Variants in NSD2 observed in about 807,000 individuals in gnomAD.
NSD2 encodes the protein nuclear receptor binding SET domain protein 2.
In NSD2, 12 loss-of-function variants were observed where a neutral mutation model predicts 139.0. The observed-to-expected ratio is 0.09, with a 90% confidence interval of 0.06 to 0.14. NSD2 has a LOEUF of 0.14. Ranked by LOEUF, NSD2 falls within the 10% of genes least tolerant of loss-of-function variation. The pLI is 1.00. For synonymous variants in NSD2, 669 were observed against 648.7 expected (o/e 1.03, Z -0.48); for missense variants, 1,155 against 1,745.0 (o/e 0.66, Z 6.02).
chr4:1,940,859 G>C, intron 9 of NSD2: 1 of 1,057,562 alleles, frequency 9.5e-7, no homozygotes, highest in Non-Finnish European at 1.1e-6. Flanking sequence ...AGGCAACCTG[G>C]GCGGGGCTCA....
At chr4:1,875,274 T>C (rs1254253343) in intron 1 of NSD2, among the ~76,000 whole-genome samples, 1 of 150,198 alleles carries the variant, frequency 6.7e-6, no homozygotes, top group Non-Finnish European at 1.5e-5. Context: ...GCAGTATAGC[T>C]TTTTACTTTT....
intron 1 of NSD2, among the ~76,000 whole-genome samples, chr4:1,885,099 A>C (rs922643247): frequency 1.3e-4 from 19 of 151,676 alleles, no homozygotes; most frequent in Admixed American, 2.6e-4. Flanking sequence ...GACAAGAGCA[A>C]AACTCTGTTT....
chr4:1,877,687 TC>T (rs985206957), intron 1 of NSD2, among the ~76,000 whole-genome samples: 1 of 152,162 alleles, frequency 6.6e-6, no homozygotes, highest in Non-Finnish European at 1.5e-5. Flanking sequence ...CTCATTCTGT[TC>T]CAGCCACACG....
chr4:1,901,294 A>T, intron 2 of NSD2, 43 bp downstream of exon 2: 1 of 1,509,796 alleles, frequency 6.6e-7, no homozygotes, highest in South Asian at 1.3e-5. Flanking sequence ...GACCTTGAGC[A>T]GTGAGCATGG....
intron 1 of NSD2, among the ~76,000 whole-genome samples, chr4:1,874,600 G>A (rs1714114635): frequency 6.6e-6 from 1 of 152,130 alleles, no homozygotes; most frequent in African/African-American, 2.4e-5. Context: ...GTAAGTAATG[G>A]AGCATCTGGG....
At position 1,976,019 on chromosome 4, in the gene NSD2, C is replaced by T. The variant is rs1450533427; in HGVS notation, c.3622-456C>T. Among the ~76,000 whole-genome samples the T allele has an allele frequency of 1.3e-5, 2 of 152,182 alleles. No individual in the cohort carries two copies. Among genetic ancestry groups the T allele is most frequent in the Non-Finnish European group, 2.9e-5 (2 of 68,040 alleles). Reference sequence around the variant, plus strand: ...AAGCCTGGCGGTGGCACCAGCTCGGCCCTGAGCCGGTGTCTGTCCTCAGCC... The same window carrying T: ...AAGCCTGGCGGTGGCACCAGCTCGGTCCTGAGCCGGTGTCTGTCCTCAGCC... On this transcript the variant is annotated intron_variant, in intron 20 of 21. Transcript: ENST00000508803. This position sits in a 1 kb window ranked among gnomAD's most constrained non-coding sequence, Gnocchi z 5.3.
chr4:1,884,136 C>T (rs1245730641), intron 1 of NSD2, among the ~76,000 whole-genome samples: 2 of 152,108 alleles, frequency 1.3e-5, no homozygotes, highest in African/African-American at 2.4e-5. Flanking sequence ...TGCTCTGTCA[C>T]CCAGGCTGGA....
intron 3 of NSD2, among the ~76,000 whole-genome samples, chr4:1,911,298 A>T (rs1355411487): frequency 6.6e-6 from 1 of 152,174 alleles, no homozygotes; most frequent in African/African-American, 2.4e-5. Context: ...GAAATTGCAT[A>T]GGAAGAGGGC....
At position 1,939,676 on chromosome 4, in the gene NSD2, A is replaced by C. The variant is rs755333913; in HGVS notation, c.1779A>C (p.Ala593=). 1 of 1,614,144 alleles carries C rather than the reference A, an allele frequency of 6.2e-7. No homozygotes were observed. Reference sequence around the variant, plus strand: ...CAGCAACGAAAAATCTGTCTGATGCATGTAAACCACTGAAGAAGCGAAATC... The same window carrying C: ...CAGCAACGAAAAATCTGTCTGATGCCTGTAAACCACTGAAGAAGCGAAATC... ...SQAATKNLSD[A]CKPLKKRNRA... The change falls in exon 9 of 22, where the codon GCA becomes GCC. Residue 593 remains alanine (A), a synonymous_variant. Coordinates refer to ENST00000508803, the MANE Select transcript of NSD2 (RefSeq NM_001042424.3).
chr4:1,933,434 G>A (rs1373385970), intron 6 of NSD2, among the ~76,000 whole-genome samples: 1 of 152,114 alleles, frequency 6.6e-6, no homozygotes, highest in Non-Finnish European at 1.5e-5. Flanking sequence ...TCGCCCAGGC[G>A]GCTGGAGTGC....
chr4:1,876,518 C>A (rs930533495), intron 1 of NSD2, among the ~76,000 whole-genome samples: 1 of 151,938 alleles, frequency 6.6e-6, no homozygotes, highest in African/African-American at 2.4e-5. Flanking sequence ...TAGGGAGACC[C>A]CATCTCTACA....
At position 1,955,567 on chromosome 4, in the gene NSD2, C is replaced by G. The variant is rs1452596275; in HGVS notation, c.2519-126C>G. 7.7e-7 allele frequency: 1 copy of G among 1,292,286 alleles called. No homozygotes were observed. Among genetic ancestry groups the G allele is most frequent in the African/African-American group, 1.5e-5 (1 of 67,072 alleles). 80.1% of individuals were successfully genotyped at this position (1,292,286 alleles called of 1,614,324 possible). A position where few individuals can be genotyped will look rare whatever the true frequency, so the allele number is the denominator to read the frequency against. On this transcript the variant is annotated intron_variant, in intron 13 of 21. Coordinates refer to ENST00000508803, the MANE Select transcript of NSD2 (RefSeq NM_001042424.3). This position sits in a 1 kb window ranked among gnomAD's most constrained non-coding sequence, Gnocchi z 4.7. ...TGACATTTGCTCTCGTGCTGATGTACAGATCGCTGTTTTAAAACTGATGTT... is the reference window on the plus strand; with the variant it reads ...TGACATTTGCTCTCGTGCTGATGTAGAGATCGCTGTTTTAAAACTGATGTT...
chr4:1,875,299 T>G (rs1208709068), intron 1 of NSD2, among the ~76,000 whole-genome samples: 14 of 146,120 alleles, frequency 9.6e-5, no homozygotes, highest in South Asian at 4.2e-4. Context: ...TTTTTTTTTT[T>G]GGGACAGGGT....
At chr4:1,946,330 C>T in intron 9 of NSD2, 3 of 651,578 alleles carry the variant, frequency 4.6e-6, no homozygotes, top group Non-Finnish European at 5.8e-6. Flanking sequence ...GTAAGTGGCA[C>T]AATCTCGGCT....
chr4:1,878,599 C>T (rs965364864), intron 1 of NSD2, among the ~76,000 whole-genome samples: 9 of 152,076 alleles, frequency 5.9e-5, no homozygotes, highest in Admixed American at 4.6e-4. Context: ...ACCTGAGTGA[C>T]TGTCAGGCAT....
At chr4:1,946,337 G>A (rs1560730000) in intron 9 of NSD2, 2 of 600,726 alleles carry the variant, frequency 3.3e-6, no homozygotes, top group African/African-American at 2.0e-5. Context: ...GCACAATCTC[G>A]GCTCACTGCA....
In NSD2 at chr4:1,979,889, G is replaced by A. The variant is rs1039632375; in HGVS notation, c.*980G>A. The A allele has an allele frequency of 4.3e-6, 1 of 232,782 alleles. No homozygotes were observed. Among genetic ancestry groups the A allele is most frequent in the African/African-American group, 2.2e-5 (1 of 45,442 alleles). The allele number at this position is 232,782 out of a possible 1,614,324, so 14.4% of individuals were successfully genotyped here. ...GGCGTGAGACCGCAGTCTGCTTAGA[G>A]CACAGGAAGTGACAACTTAGGGAGC... On this transcript the variant is annotated 3_prime_UTR_variant, in exon 22 of 22. Transcript: ENST00000508803.
intron 9 of NSD2, chr4:1,943,889 G>A (rs1398916342): frequency 9.4e-7 from 1 of 1,063,580 alleles, no homozygotes; most frequent in Admixed American, 5.4e-5. Context: ...TTTTGCATGG[G>A]TGGCCAGCCA....
intron 1 of NSD2, among the ~76,000 whole-genome samples, chr4:1,888,638 TAC>T (rs1715298624): frequency 6.6e-6 from 1 of 151,908 alleles, no homozygotes; most frequent in Admixed American, 6.6e-5. Context: ...AATCTCGGCT[TAC>T]TGCGGCCTCC....
Sources: gnomAD v4.1 joint callset for allele counts (sites outside exome capture counted in the v4.1 genomes callset) on GRCh38, gnomAD v4.1.1 for gene constraint, Gnocchi (gnomAD v3.1) non-coding constraint, MANE v1.5 for transcripts, NCBI Gene and HGNC (gene_info 2026-07-23, HGNC 2026-07-21) for gene names.